The following GRIN2A variants were observed in gnomAD, a reference collection of about 807,000 sequenced individuals.
GRIN2A encodes the protein glutamate receptor ionotropic, NMDA 2A.
In GRIN2A, 22 loss-of-function variants were observed where a neutral mutation model predicts 113.4. That is an observed-to-expected ratio of 0.19 (90% CI 0.14 to 0.28). The LOEUF is 0.28. Among genes scored for constraint, GRIN2A ranks in the 10% least tolerant of loss-of-function variants. The pLI is 1.00. For missense variants in GRIN2A, 1,502 were observed against 1,887.0 expected (o/e 0.80, Z 3.78); for synonymous variants, 827 against 738.4 (o/e 1.12, Z -1.94).
intron 2 of GRIN2A, among the ~76,000 whole-genome samples, chr16:10,150,677 C>T (rs573459026): frequency 3.2e-4 from 49 of 151,588 alleles, no homozygotes; most frequent in Non-Finnish European, 6.3e-4. Context: ...ATACTCCACA[C>T]GGCTCACTTC....
chr16:10,127,159 G>A (rs1314202323), intron 2 of GRIN2A, among the ~76,000 whole-genome samples: 3 of 152,036 alleles, frequency 2.0e-5, no homozygotes, highest in Non-Finnish European at 2.9e-5. Flanking sequence ...TTGAACCTGG[G>A]AGGTAGAGAT....
intron 1 of GRIN2A, among the ~76,000 whole-genome samples, chr16:10,181,282 A>C (rs2142395416): frequency 6.7e-6 from 1 of 150,016 alleles, no homozygotes. Flanking sequence ...TCTGGAGAGT[A>C]GGCGCGTCCC....
rs1468110164 is a variant in GRIN2A, at chr16:9,762,173, T to C, written c.*976A>G. The C allele has an allele frequency of 4.6e-6, 1 of 218,504 alleles. No individual in the cohort carries two copies. Among genetic ancestry groups the C allele is most frequent in the African/African-American group, 2.2e-5 (1 of 44,546 alleles). 13.5% of individuals were successfully genotyped at this position (218,504 alleles called of 1,614,324 possible). ...ATACACAGCTAATTGGACACCACCA[T>C]GGCTGTTTGGAAACGGAACGAGTTA... On this transcript the variant is annotated 3_prime_UTR_variant, in exon 13 of 13. Coordinates refer to ENST00000330684, the MANE Select transcript of GRIN2A (RefSeq NM_001134407.3).
Position 9,925,648 on chromosome 16 carries a change from T to C in GRIN2A, c.1007+12311A>G, listed in dbSNP as rs973716148. Among the ~76,000 whole-genome samples, 26 of 152,330 alleles carry C rather than the reference T, an allele frequency of 1.7e-4. No homozygotes were observed. In the East Asian group the frequency reaches 3.9e-3, roughly 23 times the overall value. On this transcript the variant is annotated intron_variant, in intron 3 of 12. Transcript: ENST00000330684. ...CATAAATAAAATGTGGTAAACTCACTTATTTTAGTTTCTATCTTCTTTTCC... is the reference window on the plus strand; with the variant it reads ...CATAAATAAAATGTGGTAAACTCACCTATTTTAGTTTCTATCTTCTTTTCC...
At chr16:10,127,500 C>T (rs987897901) in intron 2 of GRIN2A, among the ~76,000 whole-genome samples, 1 of 152,194 alleles carries the variant, frequency 6.6e-6, no homozygotes, top group African/African-American at 2.4e-5. Context: ...GGGAGGTCTT[C>T]ACCAGCAACT....
At chr16:9,928,284 C>T (rs2044509536) in intron 3 of GRIN2A, among the ~76,000 whole-genome samples, 1 of 152,154 alleles carries the variant, frequency 6.6e-6, no homozygotes, top group African/African-American at 2.4e-5. Flanking sequence ...CTCTTGCTCC[C>T]ACCTGGAAGG....
intron 2 of GRIN2A, among the ~76,000 whole-genome samples, chr16:10,055,101 G>GA (rs1766339668): frequency 2.7e-5 from 1 of 36,454 alleles, no homozygotes; most frequent in African/African-American, 1.1e-4. Flanking sequence ...AAGAAAGAAA[G>GA]AAAGAAAAAA....
At chr16:9,901,648 AAGGGGTTGGTCAGG>A (rs2043926906) in intron 3 of GRIN2A, among the ~76,000 whole-genome samples, 1 of 151,940 alleles carries the variant, frequency 6.6e-6, no homozygotes, top group African/African-American at 2.4e-5. Flanking sequence ...TTTAGTAGAG[AAGGGGTTGGTCAGG>A]CTGGTCTCAA....
chr16:9,925,258 A>G (rs1233510340), intron 3 of GRIN2A, among the ~76,000 whole-genome samples: 3 of 152,028 alleles, frequency 2.0e-5, no homozygotes, highest in African/African-American at 7.3e-5. Flanking sequence ...TATTGAGACA[A>G]CCCCCTTCTG....
chr16:9,932,810 C>T (rs1035049811), intron 3 of GRIN2A, among the ~76,000 whole-genome samples: 14 of 152,278 alleles, frequency 9.2e-5, no homozygotes, highest in African/African-American at 2.9e-4. Context: ...AGGGAGCCGA[C>T]GTGGAGTTCA....
At chr16:10,031,500 C>T (rs2046928257) in intron 2 of GRIN2A, 2 of 152,270 alleles carry the variant, frequency 1.3e-5, no homozygotes, top group South Asian at 4.1e-4. Context: ...ACAGAAACGT[C>T]ATCTCTCTAA....
chr16:10,176,201 A>T (rs1641791), intron 2 of GRIN2A, among the ~76,000 whole-genome samples: 1 of 151,466 alleles, frequency 6.6e-6, no homozygotes, highest in Non-Finnish European at 1.5e-5. Flanking sequence ...GATGGGGTTT[A>T]AGCATGTTGG....
At chr16:9,971,072 C>A (rs1398492479) in intron 2 of GRIN2A, among the ~76,000 whole-genome samples, 4 of 152,104 alleles carry the variant, frequency 2.6e-5, no homozygotes, top group African/African-American at 9.7e-5. Flanking sequence ...AAGGCATGAA[C>A]AAAGGCTATG....
intron 2 of GRIN2A, among the ~76,000 whole-genome samples, chr16:10,074,901 A>G (rs1027048356): frequency 6.6e-6 from 1 of 152,240 alleles, no homozygotes; most frequent in African/African-American, 2.4e-5. Context: ...AAAAACATTT[A>G]AACGTAAGAC....
intron 2 of GRIN2A, among the ~76,000 whole-genome samples, chr16:10,138,415 G>A (rs4782288): frequency 6.6e-6 from 1 of 152,102 alleles, no homozygotes; most frequent in East Asian, 1.9e-4. Context: ...AAGACGAAGA[G>A]GAAGCGAGGA....
chr16:10,085,467 C>T (rs1436975423), intron 2 of GRIN2A, among the ~76,000 whole-genome samples: 4 of 152,186 alleles, frequency 2.6e-5, no homozygotes, highest in Admixed American at 6.5e-5. Flanking sequence ...AATTTGGCCC[C>T]ATGTGTCAAA....
intron 2 of GRIN2A, among the ~76,000 whole-genome samples, chr16:10,032,432 A>C (rs923602357): frequency 6.6e-6 from 1 of 152,206 alleles, no homozygotes; most frequent in Non-Finnish European, 1.5e-5. Context: ...CCTTGATCTA[A>C]ATGCCACCTC....
At chr16:9,881,117 C>CA (rs1305006754) in intron 4 of GRIN2A, among the ~76,000 whole-genome samples, 9 of 151,988 alleles carry the variant, frequency 5.9e-5, no homozygotes, top group African/African-American at 1.9e-4. Context: ...AAATTTTTAA[C>CA]AAAAAAATCA....
At chr16:9,910,148 G>T (rs1286107103) in intron 3 of GRIN2A, among the ~76,000 whole-genome samples, 1 of 152,148 alleles carries the variant, frequency 6.6e-6, no homozygotes, top group Non-Finnish European at 1.5e-5. Context: ...ACTATGAACA[G>T]TGCTTCTAGG....
Sources: allele counts gnomAD v4.1 joint callset (sites outside exome capture counted in the v4.1 genomes callset), GRCh38; gene constraint gnomAD v4.1.1; transcripts MANE v1.5; gene names NCBI Gene and HGNC (gene_info 2026-07-23, HGNC 2026-07-21).